The following AGTPBP1 variants were observed in gnomAD, a reference collection of about 807,000 sequenced individuals.
AGTPBP1 encodes cytosolic carboxypeptidase 1.
AGTPBP1 carries 70 observed loss-of-function variants against 143.9 expected under a neutral mutation model. That is an observed-to-expected ratio of 0.49 (90% CI 0.40 to 0.59). AGTPBP1 has a LOEUF of 0.59. Among genes scored for constraint, AGTPBP1 ranks in the 20% least tolerant of loss-of-function variants. The probability of loss-of-function intolerance (pLI) is 0.00; values close to 1 mark genes in which losing one functional copy is unlikely to be tolerated. For missense variants in AGTPBP1, 1,229 were observed against 1,464.5 expected, an observed-to-expected ratio of 0.84 and a Z score of 2.62; for synonymous variants, 463 against 500.2, an observed-to-expected ratio of 0.93 and a Z score of 0.99.
At chr9:85,805,154 T>TAGAA in the AGTPBP1 span, among the ~76,000 whole-genome samples, 4 of 152,164 alleles carry the variant, frequency 2.6e-5, no homozygotes, top group African/African-American at 9.6e-5. Flanking sequence ...CAGGTGGTTC[T>TAGAA]GGTCCTCTCC....
the AGTPBP1 span, among the ~76,000 whole-genome samples, chr9:85,783,632 T>G: frequency 8.5e-5 from 13 of 152,254 alleles, no homozygotes; most frequent in South Asian, 2.1e-4. Context: ...ATTGTTTTTT[T>G]TTTGTTTGTT....
chr9:85,637,218 T>C (rs1832125666), intron 13 of AGTPBP1, among the ~76,000 whole-genome samples: 1 of 151,994 alleles, frequency 6.6e-6, no homozygotes, highest in Non-Finnish European at 1.5e-5. Context: ...ATTTTTTGTA[T>C]TTTTAGTAGA....
intron 17 of AGTPBP1, among the ~76,000 whole-genome samples, chr9:85,601,958 C>T (rs2133335640): frequency 6.6e-6 from 1 of 152,172 alleles, no homozygotes; most frequent in African/African-American, 2.4e-5. Context: ...AGCCACAGTG[C>T]CCTATCCAGC....
intron 13 of AGTPBP1, 58 bp downstream of exon 13, chr9:85,642,769 G>GA (rs1442461040): frequency 3.4e-5 from 45 of 1,339,822 alleles, no homozygotes; most frequent in Non-Finnish European, 4.3e-5. Flanking sequence ...CGACCTAAGG[G>GA]AAAAAAAATA....
At chr9:85,753,577 C>A in the AGTPBP1 span, among the ~76,000 whole-genome samples, 8 of 152,062 alleles carry the variant, frequency 5.3e-5, no homozygotes, top group Non-Finnish European at 5.9e-5. Flanking sequence ...CATGGTAAAA[C>A]CCCGTCTCTA....
intron 17 of AGTPBP1, among the ~76,000 whole-genome samples, chr9:85,610,965 C>T (rs1282780537): frequency 6.6e-6 from 1 of 152,014 alleles, no homozygotes; most frequent in Non-Finnish European, 1.5e-5. Context: ...CTAAACAGCT[C>T]CCATAGCTTC....
In AGTPBP1 at chr9:85,655,193, A is replaced by G; in HGVS notation, c.1037T>C (p.Val346Ala). The change falls in exon 11 of 26, where the codon GTT becomes GCT. Residue 346 changes from valine (V) to alanine (A), a missense_variant. By Grantham distance (64) the Val-to-Ala change is moderately conservative (BLOSUM62 0). Coordinates refer to ENST00000357081, the MANE Select transcript of AGTPBP1 (RefSeq NM_001330701.2). ...IKSSFHFQLP[V>A]IPVTGPVAQL... ...AGCCACAGGACCAGTCACAGGAATA[A>G]CAGGCAACTGGAAATGAAAAGAACT... 1 of 1,613,666 alleles carries G rather than the reference A, an allele frequency of 6.2e-7. No individual in the cohort carries two copies. The highest frequency in any genetic ancestry group is 8.5e-7 in the Non-Finnish European group (1 of 1,179,708).
intron 25 of AGTPBP1, among the ~76,000 whole-genome samples, chr9:85,566,285 C>T (rs1827083343): frequency 1.3e-5 from 2 of 151,802 alleles, no homozygotes; most frequent in African/African-American, 2.4e-5. Flanking sequence ...TTTGGGAGGC[C>T]GAGATGGGAA....
At chr9:85,742,792 TACTG>T (rs1199022683), upstream of AGTPBP1, among the ~76,000 whole-genome samples, 7 of 152,340 alleles carry the variant, frequency 4.6e-5, no homozygotes, top group East Asian at 7.7e-4. Context: ...TGCAAATAAA[TACTG>T]ACATCATTTA....
chr9:85,759,445 C>G, the AGTPBP1 span, among the ~76,000 whole-genome samples: 16 of 151,334 alleles, frequency 1.1e-4, no homozygotes, highest in African/African-American at 3.9e-4. Flanking sequence ...TGCAATCAAA[C>G]TAGAACTCAG....
At chr9:85,752,349 A>C in the AGTPBP1 span, among the ~76,000 whole-genome samples, 1 of 152,166 alleles carries the variant, frequency 6.6e-6, no homozygotes, top group Non-Finnish European at 1.5e-5. Context: ...TTTTGAACAC[A>C]AGAAATTGAA....
intron 25 of AGTPBP1, among the ~76,000 whole-genome samples, chr9:85,557,283 G>C (rs1016754453): frequency 6.6e-6 from 1 of 152,028 alleles, no homozygotes; most frequent in Admixed American, 6.6e-5. Context: ...ATCAAATCTG[G>C]TCTGGGATCC....
At chr9:85,602,039 C>T (rs1036857840) in intron 17 of AGTPBP1, among the ~76,000 whole-genome samples, 2 of 152,116 alleles carry the variant, frequency 1.3e-5, no homozygotes, top group Non-Finnish European at 2.9e-5. Flanking sequence ...GAAGATGCGA[C>T]TGTTATACCA....
chr9:85,769,872 G>C, the AGTPBP1 span, among the ~76,000 whole-genome samples: 5 of 152,170 alleles, frequency 3.3e-5, no homozygotes, highest in Non-Finnish European at 7.3e-5. Flanking sequence ...CACTTTAGGG[G>C]TCATGGAGGA....
intron 1 of AGTPBP1, among the ~76,000 whole-genome samples, chr9:85,724,746 T>C (rs1838361480): frequency 6.6e-6 from 1 of 152,202 alleles, no homozygotes; most frequent in African/African-American, 2.4e-5. Context: ...TCTATCTCTT[T>C]CCACTGGAAT....
upstream of AGTPBP1, among the ~76,000 whole-genome samples, chr9:85,744,782 C>T (rs572209683): frequency 1.3e-5 from 2 of 152,288 alleles, no homozygotes; most frequent in Non-Finnish European, 2.9e-5. Flanking sequence ...CTTATCTGTA[C>T]GAAACATGGG....
At chr9:85,632,616 C>G in intron 14 of AGTPBP1, 46 bp downstream of exon 14, 1 of 1,482,522 alleles carries the variant, frequency 6.7e-7, no homozygotes, top group Non-Finnish European at 9.1e-7. Flanking sequence ...TGCCTCATAT[C>G]TTGACAATAG....
chr9:85,657,576 C>T lies in AGTPBP1; in HGVS notation c.768G>A (p.Trp256Ter). 1 of 1,613,922 alleles carries T rather than the reference C, an allele frequency of 6.2e-7. No individual in the cohort carries two copies. Among genetic ancestry groups the T allele is most frequent in the Non-Finnish European group, 8.5e-7 (1 of 1,179,892 alleles). The change falls in exon 10 of 26, where the codon TGG becomes TGA. Residue 256 changes from tryptophan to a stop codon, truncating the protein, a stop_gained. Transcript: ENST00000357081. LOFTEE classifies it high-confidence loss of function. ...VQVLLTIYVD[W>*]HRHDNRHRNM... Reference sequence around the variant, plus strand: ...TTCTATGCCGGTTATCATGGCGGTGCCAATCTACATAAATTGTTAAAAGCA... The same window carrying T: ...TTCTATGCCGGTTATCATGGCGGTGTCAATCTACATAAATTGTTAAAAGCA...
At chr9:85,782,564 T>C in the AGTPBP1 span, among the ~76,000 whole-genome samples, 3 of 152,162 alleles carry the variant, frequency 2.0e-5, no homozygotes, top group Non-Finnish European at 4.4e-5. Context: ...TGTATAGACA[T>C]TTTCAAGAAT....
Sources: gnomAD v4.1 joint callset for allele counts (sites outside exome capture counted in the v4.1 genomes callset) on GRCh38, gnomAD v4.1.1 for gene constraint, MANE v1.5 for transcripts, NCBI Gene and HGNC (gene_info 2026-07-23, HGNC 2026-07-21) for gene names.